C1orf21: variants seen among roughly 807,000 people sequenced by gnomAD.
C1orf21 encodes the protein chromosome 1 open reading frame 21.
C1orf21 carries 3 observed loss-of-function variants against 18.7 expected under a neutral mutation model. That is an observed-to-expected ratio of 0.16 (90% CI 0.07 to 0.42). C1orf21 has a LOEUF of 0.42. Ranked by LOEUF, C1orf21 falls within the 10% of genes least tolerant of loss-of-function variation. The pLI is 0.99. For missense variants in C1orf21, 104 were observed against 143.6 expected, an observed-to-expected ratio of 0.72 and a Z score of 1.41; for synonymous variants, 41 against 46.4, an observed-to-expected ratio of 0.88 and a Z score of 0.47.
intron 3 of C1orf21, among the ~76,000 whole-genome samples, chr1:184,576,226 G>A (rs1326014957): frequency 6.6e-6 from 1 of 151,980 alleles, no homozygotes; most frequent in African/African-American, 2.4e-5. Context: ...CTGGGTTCAA[G>A]CAATTCTCCT....
chr1:184,529,582 G>A (rs147522475), intron 3 of C1orf21, among the ~76,000 whole-genome samples: 5 of 152,316 alleles, frequency 3.3e-5, no homozygotes, highest in Non-Finnish European at 5.9e-5. Context: ...ATCTGGAGAT[G>A]TATCATATTG....
chr1:184,500,873 A>T (rs1012594330), intron 2 of C1orf21, among the ~76,000 whole-genome samples: 1 of 152,098 alleles, frequency 6.6e-6, no homozygotes, highest in Non-Finnish European at 1.5e-5. Context: ...GCCCTGGGAT[A>T]TGTTGCATCT....
chr1:184,412,683 C>A lies in C1orf21; in HGVS notation c.-125+25315C>A, dbSNP rs373091129. Among the ~76,000 whole-genome samples, 32 of 152,334 alleles carry A rather than the reference C, an allele frequency of 2.1e-4. No individual in the cohort carries two copies. In the East Asian group the frequency reaches 2.7e-3, roughly 13 times the overall value. ...AATAGTTGGGCATGGTGGCACACAC[C>A]TGTCATCCTAGCTGTTGGGGAGACT... On this transcript the variant is annotated intron_variant, in intron 1 of 5. Coordinates refer to ENST00000235307, the MANE Select transcript of C1orf21 (RefSeq NM_030806.4).
chr1:184,533,193 G>T (rs2101973934), intron 3 of C1orf21, among the ~76,000 whole-genome samples: 1 of 151,924 alleles, frequency 6.6e-6, no homozygotes, highest in African/African-American at 2.4e-5. Context: ...CCCCACTAGA[G>T]CCTGCACTCC....
At chr1:184,464,991 G>A (rs2101985568) in intron 1 of C1orf21, among the ~76,000 whole-genome samples, 1 of 152,188 alleles carries the variant, frequency 6.6e-6, no homozygotes, top group South Asian at 2.1e-4. Context: ...GGCTGATCAG[G>A]AACTCCTGGC....
intron 5 of C1orf21, among the ~76,000 whole-genome samples, chr1:184,599,141 A>G (rs1386723285): frequency 2.0e-5 from 3 of 152,224 alleles, no homozygotes. Flanking sequence ...ATTTAAATTC[A>G]TCTCTTCAAA....
chr1:184,587,658 T>TG (rs1418037225), intron 3 of C1orf21, among the ~76,000 whole-genome samples: 1 of 149,712 alleles, frequency 6.7e-6, no homozygotes, highest in Non-Finnish European at 1.5e-5. Flanking sequence ...TTGTATGGTT[T>TG]TTTTTTTTTT....
intron 3 of C1orf21, among the ~76,000 whole-genome samples, chr1:184,554,808 T>A (rs893605643): frequency 6.6e-6 from 1 of 152,238 alleles, no homozygotes; most frequent in Non-Finnish European, 1.5e-5. Flanking sequence ...TATTGGTATA[T>A]GATAGGGTTC....
intron 3 of C1orf21, among the ~76,000 whole-genome samples, chr1:184,525,249 A>C (rs1041782827): frequency 2.6e-5 from 4 of 152,178 alleles, no homozygotes; most frequent in African/African-American, 9.6e-5. Flanking sequence ...ATTGGTTTCC[A>C]TGGAAAGTTG....
intron 1 of C1orf21, among the ~76,000 whole-genome samples, chr1:184,467,659 T>C (rs1657423190): frequency 6.6e-6 from 1 of 152,208 alleles, no homozygotes; most frequent in Admixed American, 6.5e-5. Flanking sequence ...CTCTCATCTG[T>C]CTTGACCATC....
chr1:184,445,873 C>T (rs899620583), intron 1 of C1orf21, among the ~76,000 whole-genome samples: 2 of 152,102 alleles, frequency 1.3e-5, no homozygotes, highest in Non-Finnish European at 2.9e-5. Context: ...ACCATTTTAT[C>T]ATAACAATTA....
Position 184,582,946 on chromosome 1 carries a change from C to G in C1orf21, c.190-7793C>G, listed in dbSNP as rs142450938. Among the ~76,000 whole-genome samples the G allele has an allele frequency of 5.0e-4, 76 of 152,272 alleles. 1 individual carries two copies. The East Asian group carries it at 0.014, about 29-fold the overall frequency. Reference sequence around the variant, plus strand: ...CTCCATCTCCCGGTTTCAAGAGATTCTCCTGTCTCAGCCTCCCGAGTAGCT... The same window carrying G: ...CTCCATCTCCCGGTTTCAAGAGATTGTCCTGTCTCAGCCTCCCGAGTAGCT... On this transcript the variant is annotated intron_variant, in intron 3 of 5. Coordinates refer to ENST00000235307, the MANE Select transcript of C1orf21 (RefSeq NM_030806.4).
At chr1:184,548,213 C>CAACACACACACACA (rs1349938010) in intron 3 of C1orf21, among the ~76,000 whole-genome samples, 4 of 104,218 alleles carry the variant, frequency 3.8e-5, no homozygotes, top group Admixed American at 2.0e-4. Flanking sequence ...CTCAAATCCC[C>CAACACACACACACA]AACACACACA....
At chr1:184,565,945 T>C (rs1410761582) in intron 3 of C1orf21, among the ~76,000 whole-genome samples, 1 of 151,404 alleles carries the variant, frequency 6.6e-6, no homozygotes, top group East Asian at 1.9e-4. Context: ...AGTATAAAAA[T>C]AAGGAGAGGA....
At chr1:184,485,779 A>G (rs1375098131) in intron 2 of C1orf21, among the ~76,000 whole-genome samples, 6 of 152,136 alleles carry the variant, frequency 3.9e-5, no homozygotes, top group Admixed American at 1.3e-4. Context: ...AGCTGCCTCT[A>G]CTGTAGCTGT....
chr1:184,455,118 G>A (rs903924289), intron 1 of C1orf21, among the ~76,000 whole-genome samples: 3 of 152,126 alleles, frequency 2.0e-5, no homozygotes, highest in African/African-American at 4.8e-5. Flanking sequence ...AACACTTTGG[G>A]CCATTCAGAA....
At chr1:184,509,062 A>C (rs1658107238) in intron 3 of C1orf21, among the ~76,000 whole-genome samples, 1 of 152,168 alleles carries the variant, frequency 6.6e-6, no homozygotes, top group Non-Finnish European at 1.5e-5. Flanking sequence ...CTTAATAATA[A>C]TATTTACTGT....
At position 184,516,115 on chromosome 1, in the gene C1orf21, C is replaced by T. The variant is rs184585093; in HGVS notation, c.189+8433C>T. On this transcript the variant is annotated intron_variant, in intron 3 of 5. Coordinates refer to ENST00000235307, the MANE Select transcript of C1orf21 (RefSeq NM_030806.4). ...GACATGAGCCACCATGCCCAGCCTA[C>T]ATTGGTTTTTGATTTACTGTTTCCA... Among the ~76,000 whole-genome samples, 7 of 152,204 alleles carry T rather than the reference C, an allele frequency of 4.6e-5. No individual in the cohort carries two copies. The East Asian group carries it at 1.4e-3, about 29-fold the overall frequency.
At chr1:184,393,760 C>CT (rs1293067927) in intron 1 of C1orf21, among the ~76,000 whole-genome samples, 1 of 152,180 alleles carries the variant, frequency 6.6e-6, no homozygotes, top group African/African-American at 2.4e-5. Flanking sequence ...CAAAGGAAGA[C>CT]TTTATTACAC....
Sources: gnomAD v4.1 joint callset for allele counts (sites outside exome capture counted in the v4.1 genomes callset) on GRCh38, gnomAD v4.1.1 for gene constraint, MANE v1.5 for transcripts, NCBI Gene and HGNC (gene_info 2026-07-23, HGNC 2026-07-21) for gene names.